The following ADCY5 variants were observed in gnomAD, a reference collection of about 807,000 sequenced individuals.
ADCY5 encodes the protein adenylate cyclase 5, also known as adenylate cyclase type 5.
ADCY5 carries 30 observed loss-of-function variants against 119.7 expected under a neutral mutation model. The ratio of observed to expected loss-of-function variants is 0.25; its 90% confidence interval spans 0.19 to 0.34. ADCY5 has a LOEUF of 0.34. Ranked by LOEUF, ADCY5 falls within the 10% of genes least tolerant of loss-of-function variation. The pLI is 1.00. For missense variants in ADCY5, 1,324 were observed against 1,775.2 expected, an observed-to-expected ratio of 0.75 and a Z score of 4.57; for synonymous variants, 753 against 762.2, an observed-to-expected ratio of 0.99 and a Z score of 0.20.
At chr3:123,350,393 G>C (rs1449268217) in intron 2 of ADCY5, among the ~76,000 whole-genome samples, 1 of 152,210 alleles carries the variant, frequency 6.6e-6, no homozygotes, top group Non-Finnish European at 1.5e-5. Context: ...CAGGAAACAC[G>C]ACCACCAAAG....
chr3:123,396,528 AAAGAAAAG>A (rs1320928902), intron 1 of ADCY5, among the ~76,000 whole-genome samples: 1 of 124,916 alleles, frequency 8.0e-6, no homozygotes, highest in African/African-American at 3.4e-5. Flanking sequence ...AGAGAGAGAG[AAAGAAAAG>A]AAAGAAAGAA....
rs1390228080 is a variant in ADCY5 at position 123,357,727 on chromosome 3, C to T, written c.1135-5146G>A. Among the ~76,000 whole-genome samples, 10 of 152,264 alleles carry T rather than the reference C, an allele frequency of 6.6e-5. No homozygotes were observed. In the East Asian group the frequency reaches 1.5e-3, roughly 23 times the overall value. ...CTGCCTTACACACACACACTCACACCATCTGCCAAAAAAGCAGGAATCTGG... is the reference window on the plus strand; with the variant it reads ...CTGCCTTACACACACACACTCACACTATCTGCCAAAAAAGCAGGAATCTGG... On this transcript the variant is annotated intron_variant, in intron 1 of 20. Coordinates refer to ENST00000462833, the MANE Select transcript of ADCY5 (RefSeq NM_183357.3).
At position 123,312,908 on chromosome 3, in the gene ADCY5, T is replaced by TGG. The variant is rs199900221; in HGVS notation, c.2442+1325_2442+1326dup. 8.3e-5 allele frequency among the ~76,000 whole-genome samples: 12 copies of TGG among 144,000 alleles called. 1 individual carries two copies. The highest frequency in any genetic ancestry group is 3.5e-3 in the Middle Eastern group (1 of 284). The allele number at this position is 144,000 out of a possible 152,430, so 94.5% of individuals were successfully genotyped here. A position where few individuals can be genotyped will look rare whatever the true frequency, so the allele number is the denominator to read the frequency against. On this transcript the variant is annotated intron_variant, in intron 12 of 20. Transcript: ENST00000462833. The stretch of plus-strand genomic sequence containing the variant: ...ACTGTCCACTCTGGATAAAGCAGGC[T>TGG]GGGGGGGGCCTTGACAACAGAAAGA...
chr3:123,346,239 G>A (rs1310576751), intron 3 of ADCY5, among the ~76,000 whole-genome samples: 6 of 152,214 alleles, frequency 3.9e-5, no homozygotes, highest in African/African-American at 7.2e-5. Flanking sequence ...GCTCAAGCCC[G>A]GAAGTCCGGC....
At chr3:123,367,970 GCACTA>G in intron 1 of ADCY5, 1 of 1,531,074 alleles carries the variant, frequency 6.5e-7, no homozygotes, top group Non-Finnish European at 8.7e-7. Context: ...GCCCTACCCA[GCACTA>G]CACAGGCTGC....
intron 1 of ADCY5, among the ~76,000 whole-genome samples, chr3:123,395,099 C>A (rs1944504868): frequency 6.6e-6 from 1 of 152,208 alleles, no homozygotes; most frequent in African/African-American, 2.4e-5. Context: ...CTCCCTAACT[C>A]TCAAGGACAT....
chr3:123,285,825 G>A (rs959036527), intron 20 of ADCY5, among the ~76,000 whole-genome samples: 1 of 152,200 alleles, frequency 6.6e-6, no homozygotes, highest in Non-Finnish European at 1.5e-5. Flanking sequence ...GGCCATTAAG[G>A]CCAGGCCCCT....
At position 123,381,257 on chromosome 3, in the gene ADCY5, C is replaced by T. The variant is rs192600601; in HGVS notation, c.1135-28676G>A. ...GAGCCAAGAGGTCTCCGTCACAGTA[C>T]ACCAGGGGTCAGGGCAGGAGCTTGG... On this transcript the variant is annotated intron_variant, in intron 1 of 20. Transcript: ENST00000462833. Among the ~76,000 whole-genome samples the T allele has an allele frequency of 4.4e-4, 67 of 152,354 alleles. 1 individual carries two copies. In the East Asian group the frequency reaches 0.012, roughly 27 times the overall value.
chr3:123,284,750 G>A lies in ADCY5; in HGVS notation c.3658-14C>T, dbSNP rs764618421. ...GTCTGTGGTGACCTGTGGGGGAACA[G>A]GAGGAGAGAGGGCAAGCCACTGATG... is the stretch of plus-strand genomic sequence containing the variant. On this transcript the variant is annotated splice_polypyrimidine_tract_variant and intron_variant, in intron 20 of 20. Coordinates refer to ENST00000462833, the MANE Select transcript of ADCY5 (RefSeq NM_183357.3). The A allele has an allele frequency of 1.9e-6, 3 of 1,613,788 alleles. No individual in the cohort carries two copies. The highest frequency in any genetic ancestry group is 1.3e-5 in the African/African-American group (1 of 75,070).
chr3:123,392,749 T>C (rs936958390), intron 1 of ADCY5, among the ~76,000 whole-genome samples: 2 of 152,064 alleles, frequency 1.3e-5, no homozygotes, highest in Non-Finnish European at 2.9e-5. Context: ...TCTCCCTCTC[T>C]CTCTCTCCCT....
At chr3:123,359,623 A>G (rs1190622347) in intron 1 of ADCY5, among the ~76,000 whole-genome samples, 1 of 151,848 alleles carries the variant, frequency 6.6e-6, no homozygotes, top group Non-Finnish European at 1.5e-5. Flanking sequence ...GTAAGATCTG[A>G]TTTTCCAAAT....
rs189669315 is a variant in ADCY5 at position 123,312,217 on chromosome 3, G to C, written c.2442+2018C>G. On this transcript the variant is annotated intron_variant, in intron 12 of 20. Coordinates refer to ENST00000462833, the MANE Select transcript of ADCY5 (RefSeq NM_183357.3). The stretch of plus-strand genomic sequence containing the variant: ...TCAGGCTTAAAAAATGGCAGACTAT[G>C]CGCAGCTTTGATTCTGATTTGAATG... Among the ~76,000 whole-genome samples, 411 of 152,328 alleles carry C rather than the reference G, an allele frequency of 2.7e-3. 5 individuals are homozygous for C. The highest frequency in any genetic ancestry group is 3.1e-3 in the East Asian group (16 of 5,186).
intron 1 of ADCY5, among the ~76,000 whole-genome samples, chr3:123,370,252 C>T (rs1343587559): frequency 6.6e-6 from 1 of 152,208 alleles, no homozygotes; most frequent in African/African-American, 2.4e-5. Context: ...CCACCGCCCC[C>T]TTTAGAATAA....
At chr3:123,431,062 A>G (rs1230383364) in intron 1 of ADCY5, among the ~76,000 whole-genome samples, 2 of 152,168 alleles carry the variant, frequency 1.3e-5, no homozygotes, top group Admixed American at 1.3e-4. Flanking sequence ...CGGCTATATA[A>G]TTCTGTGCTT....
At chr3:123,346,397 G>C (rs1390484260) in intron 3 of ADCY5, among the ~76,000 whole-genome samples, 1 of 152,324 alleles carries the variant, frequency 6.6e-6, no homozygotes, top group East Asian at 1.9e-4. Context: ...AAGCATGGGG[G>C]GTTGGGAGAC....
Position 123,396,273 on chromosome 3 carries a change from AAG to A in ADCY5, c.1135-43694_1135-43693del, listed in dbSNP as rs200432581. ...AGAGAGGGAGGGAAGGAAGGAGAGA[AAG>A]AGAGAGAGGGAAAGAGGGAAAATAA... On this transcript the variant is annotated intron_variant, in intron 1 of 20. Transcript: ENST00000462833. Among the ~76,000 whole-genome samples the A allele has an allele frequency of 6.0e-3, 859 of 144,186 alleles. 8 individuals carry two copies. Among genetic ancestry groups the A allele is most frequent in the Middle Eastern group, 0.012 (3 of 256 alleles). The allele number at this position is 144,186 out of a possible 152,430, so 94.6% of individuals were successfully genotyped here. A position where few individuals can be genotyped will look rare whatever the true frequency, so the allele number is the denominator to read the frequency against.
intron 1 of ADCY5, among the ~76,000 whole-genome samples, chr3:123,389,829 A>G (rs1461334612): frequency 6.6e-6 from 1 of 152,246 alleles, no homozygotes; most frequent in African/African-American, 2.4e-5. Context: ...TTTAACGGAC[A>G]GTGCACAGAT....
intron 12 of ADCY5, among the ~76,000 whole-genome samples, chr3:123,311,287 C>T (rs1940561041): frequency 6.6e-6 from 1 of 152,220 alleles, no homozygotes; most frequent in South Asian, 2.1e-4. Context: ...ACACTGCAGG[C>T]TAGTCAGCTT....
rs1440495010 is a variant in ADCY5 at position 123,448,432 on chromosome 3, G to A, written c.114C>T (p.Arg38=). ...HRSAWGEADS[R]ANGYPHAPGG... Reference sequence around the variant, plus strand: ...CGGGGGCATGGGGGTAGCCATTCGCGCGGGAATCGGCCTCGCCCCACGCAG... The same window carrying A: ...CGGGGGCATGGGGGTAGCCATTCGCACGGGAATCGGCCTCGCCCCACGCAG... Residue 38 remains arginine, a synonymous_variant, in exon 1 of 21, where the codon CGC becomes CGT. Coordinates refer to ENST00000462833, the MANE Select transcript of ADCY5 (RefSeq NM_183357.3). 1.5e-6 allele frequency: 2 copies of A among 1,356,640 alleles called. No homozygotes were observed. Among genetic ancestry groups the A allele is most frequent in the South Asian group, 1.7e-5 (1 of 58,966 alleles). 84.0% of individuals were successfully genotyped at this position (1,356,640 alleles called of 1,614,324 possible). A position where few individuals can be genotyped will look rare whatever the true frequency, so the allele number is the denominator to read the frequency against.
Sources: allele counts gnomAD v4.1 joint callset (sites outside exome capture counted in the v4.1 genomes callset), GRCh38; gene constraint gnomAD v4.1.1; transcripts MANE v1.5; gene names NCBI Gene and HGNC (gene_info 2026-07-23, HGNC 2026-07-21).